Variants in NCK1 observed in about 807,000 individuals in gnomAD.
NCK1 encodes NCK adaptor protein 1.
In NCK1, 19 loss-of-function variants were observed where a neutral mutation model predicts 36.6. The observed-to-expected ratio is 0.52, with a 90% CI of 0.36 to 0.76. The LOEUF is 0.76. NCK1 is among the 30% of genes least tolerant of loss of function. NCK1 has a pLI of 0.00. For synonymous variants in NCK1, 165 were observed against 156.0 expected (o/e 1.06, Z -0.43); for missense variants, 358 against 445.6 (o/e 0.80, Z 1.77).
At chr3:136,913,464 CATT>C (rs1939880201) in intron 1 of NCK1, among the ~76,000 whole-genome samples, 1 of 151,946 alleles carries the variant, frequency 6.6e-6, no homozygotes, top group Non-Finnish European at 1.5e-5. Flanking sequence ...GACAGGGTCT[CATT>C]ATGTTGCCCA....
intron 2 of NCK1, among the ~76,000 whole-genome samples, chr3:136,930,207 G>C (rs1170661804): frequency 6.6e-6 from 1 of 152,118 alleles, no homozygotes; most frequent in Non-Finnish European, 1.5e-5. Context: ...TGCTGGTGGA[G>C]ACATTGTTTG....
chr3:136,927,696 A>AT (rs1940278736), intron 1 of NCK1, among the ~76,000 whole-genome samples: 1 of 151,298 alleles, frequency 6.6e-6, no homozygotes, highest in Non-Finnish European at 1.5e-5. Flanking sequence ...TAATTTTTGT[A>AT]TTTTAGTACA....
chr3:136,863,958 G>A (rs1353154765), intron 1 of NCK1, among the ~76,000 whole-genome samples: 5 of 151,746 alleles, frequency 3.3e-5, no homozygotes, highest in Non-Finnish European at 4.4e-5. Context: ...AAAAGTAGCC[G>A]GGCGTGGTGG....
intron 1 of NCK1, among the ~76,000 whole-genome samples, chr3:136,918,064 T>C (rs943330222): frequency 6.6e-6 from 1 of 152,188 alleles, no homozygotes; most frequent in Non-Finnish European, 1.5e-5. Flanking sequence ...AGGCCGTTTG[T>C]TTTTATATTA....
At chr3:136,904,926 A>G (rs1435322456) in intron 1 of NCK1, among the ~76,000 whole-genome samples, 1 of 144,186 alleles carries the variant, frequency 6.9e-6, no homozygotes, top group African/African-American at 2.6e-5. Flanking sequence ...TGCTTAATCT[A>G]GTCTGTTGTT....
chr3:136,933,874 T>C (rs551928828), intron 2 of NCK1, among the ~76,000 whole-genome samples: 1 of 151,688 alleles, frequency 6.6e-6, no homozygotes, highest in African/African-American at 2.4e-5. Flanking sequence ...CTGGCTAATT[T>C]TTTTTGTATT....
chr3:136,912,767 T>C (rs1158173640), intron 1 of NCK1, among the ~76,000 whole-genome samples: 3 of 152,074 alleles, frequency 2.0e-5, no homozygotes, highest in African/African-American at 7.2e-5. Flanking sequence ...GCAGTCCCCC[T>C]GCTTCAGCTT....
chr3:136,947,426 A>G (rs931948824), intron 3 of NCK1, among the ~76,000 whole-genome samples: 2 of 151,920 alleles, frequency 1.3e-5, no homozygotes, highest in African/African-American at 4.8e-5. Context: ...AAAATGCAAT[A>G]TATACCATTA....
chr3:136,945,978 G>A lies in NCK1; in HGVS notation c.622G>A (p.Glu208Lys), dbSNP rs1490311872. Residue 208 changes from glutamate (E) to lysine (K), a missense_variant, in exon 3 of 4, where the codon GAA (glutamate) becomes AAA (lysine). Physicochemically the swap from Glu to Lys is moderately conservative, Grantham distance 56 (BLOSUM62 1). Coordinates refer to ENST00000481752, the MANE Select transcript of NCK1 (RefSeq NM_001291999.2). ...LYPFSSSNDE[E>K]LNFEKGDVMD... The stretch of plus-strand genomic sequence containing the variant: ...CCCATTCAGCTCATCTAATGATGAA[G>A]AACTTAATTTCGAGAAAGGAGATGT... The A allele has an allele frequency of 6.2e-7, 1 of 1,613,926 alleles. No individual in the cohort carries two copies. Among genetic ancestry groups the A allele is most frequent in the East Asian group, 2.2e-5 (1 of 44,886 alleles).
rs1940891944 is a variant in NCK1, at chr3:136,948,632, A to T, written c.*179A>T. The T allele has an allele frequency of 7.9e-6, 4 of 507,696 alleles. No individual in the cohort carries two copies. In the Admixed American group the frequency reaches 1.4e-4, roughly 18 times the overall value. The allele number at this position is 507,696 out of a possible 1,614,324, so 31.4% of individuals were successfully genotyped here. A position where few individuals can be genotyped will look rare whatever the true frequency, so the allele number is the denominator to read the frequency against. On this transcript the variant is annotated 3_prime_UTR_variant, in exon 4 of 4. Coordinates refer to ENST00000481752, the MANE Select transcript of NCK1 (RefSeq NM_001291999.2). ...TACATATATACTATGTATGCAGTGCATCTGCATAGAACAGTTCCTTATCCT... is the reference window on the plus strand; with the variant it reads ...TACATATATACTATGTATGCAGTGCTTCTGCATAGAACAGTTCCTTATCCT...
intron 1 of NCK1, among the ~76,000 whole-genome samples, chr3:136,862,780 C>T (rs574881898): frequency 5.3e-4 from 80 of 152,352 alleles, no homozygotes; most frequent in African/African-American, 1.8e-3. Context: ...GAAGGGCGCT[C>T]TCACCTCCAG....
intron 2 of NCK1, 181 bp downstream of exon 2, chr3:136,928,408 A>T (rs955379958): frequency 1.0e-5 from 6 of 590,074 alleles, no homozygotes; most frequent in Non-Finnish European, 1.8e-5. Context: ...GTTAACATGC[A>T]GTTTCTGTAA....
At chr3:136,947,341 C>T (rs926996085) in intron 3 of NCK1, among the ~76,000 whole-genome samples, 4 of 151,972 alleles carry the variant, frequency 2.6e-5, no homozygotes, top group African/African-American at 9.7e-5. Context: ...AACAACAAAA[C>T]TAATTAAAAA....
At chr3:136,891,701 A>G (rs534073274) in intron 1 of NCK1, among the ~76,000 whole-genome samples, 36 of 152,108 alleles carry the variant, frequency 2.4e-4, no homozygotes, top group African/African-American at 8.2e-4. Flanking sequence ...AACACTTGTT[A>G]TTTTCTGTCA....
In NCK1 at chr3:136,945,977, A is replaced by C. The variant is rs367665146; in HGVS notation, c.621A>C (p.Glu207Asp). The C allele has an allele frequency of 6.8e-6, 11 of 1,613,990 alleles. No individual in the cohort carries two copies. The highest frequency in any genetic ancestry group is 9.3e-6 in the Non-Finnish European group (11 of 1,180,012). Residue 207 changes from glutamate to aspartate, a missense_variant, in exon 3 of 4, where the codon GAA becomes GAC. By Grantham distance (45) the Glu-to-Asp change is conservative. Coordinates refer to ENST00000481752, the MANE Select transcript of NCK1 (RefSeq NM_001291999.2). ...ALYPFSSSND[E>D]ELNFEKGDVM... is the part of the protein sequence containing the mutation. ...ACCCATTCAGCTCATCTAATGATGA[A>C]GAACTTAATTTCGAGAAAGGAGATG...
At chr3:136,935,534 A>G (rs563748749) in intron 2 of NCK1, among the ~76,000 whole-genome samples, 83 of 152,270 alleles carry the variant, frequency 5.5e-4, no homozygotes, top group African/African-American at 1.8e-3. Context: ...GTTGATATGG[A>G]TGATGGGTCG....
intron 2 of NCK1, among the ~76,000 whole-genome samples, chr3:136,931,472 T>C (rs1940388652): frequency 6.6e-6 from 1 of 152,334 alleles, no homozygotes; most frequent in African/African-American, 2.4e-5. Flanking sequence ...GTTGTAATTG[T>C]AATGTGAAGA....
intron 1 of NCK1, among the ~76,000 whole-genome samples, chr3:136,919,787 T>C: frequency 6.6e-6 from 1 of 152,160 alleles, no homozygotes; most frequent in Non-Finnish European, 1.5e-5. Context: ...ATGACCTTTT[T>C]TGGCAAGTCA....
intron 1 of NCK1, chr3:136,899,813 T>A (rs1560040622): frequency 2.0e-6 from 3 of 1,486,664 alleles, no homozygotes. Flanking sequence ...CCTTCACTGA[T>A]AAAGCTAGTG....
Sources: allele counts gnomAD v4.1 joint callset (sites outside exome capture counted in the v4.1 genomes callset), GRCh38; gene constraint gnomAD v4.1.1; transcripts MANE v1.5; gene names NCBI Gene and HGNC (gene_info 2026-07-23, HGNC 2026-07-21).